The following DLGAP1 variants were observed in gnomAD, a reference collection of about 807,000 sequenced individuals.
DLGAP1 encodes the protein DLG associated protein 1.
Under a neutral mutation model 90.8 loss-of-function variants are expected in DLGAP1, and 11 were observed. The ratio of observed to expected loss-of-function variants is 0.12; its 90% CI spans 0.08 to 0.20. The LOEUF (loss-of-function observed/expected upper bound fraction) is 0.20. DLGAP1 is among the 10% of genes least tolerant of loss of function. The pLI, the probability that DLGAP1 is intolerant of heterozygous loss-of-function variation, is 1.00. For missense variants in DLGAP1, 1,050 were observed against 1,333.8 expected (o/e 0.79, Z 3.31); for synonymous variants, 558 against 540.7 (o/e 1.03, Z -0.44).
chr18:3,992,170 A>G (rs537703005), intron 3 of DLGAP1, among the ~76,000 whole-genome samples: 1 of 152,182 alleles, frequency 6.6e-6, no homozygotes, highest in Non-Finnish European at 1.5e-5. Flanking sequence ...TGGTTTACTC[A>G]TATTGGTCCC....
intron 7 of DLGAP1, among the ~76,000 whole-genome samples, chr18:3,674,045 T>C (rs1207920783): frequency 1.3e-5 from 2 of 152,006 alleles, no homozygotes; most frequent in Non-Finnish European, 2.9e-5. Context: ...TTTCACCATG[T>C]TGGCCAGGCT....
At chr18:3,949,075 T>C (rs769586648) in intron 3 of DLGAP1, among the ~76,000 whole-genome samples, 20 of 152,132 alleles carry the variant, frequency 1.3e-4, no homozygotes, top group Non-Finnish European at 2.2e-4. Context: ...TGAAGAAAAG[T>C]TTAAGAAAAA....
intron 7 of DLGAP1, among the ~76,000 whole-genome samples, chr18:3,681,935 T>A (rs1365593936): frequency 1.3e-5 from 2 of 151,888 alleles, no homozygotes; most frequent in Non-Finnish European, 2.9e-5. Flanking sequence ...CTGGCCAACA[T>A]GGTGAAACCC....
intron 5 of DLGAP1, among the ~76,000 whole-genome samples, chr18:3,793,575 C>T (rs2148250930): frequency 6.6e-6 from 1 of 152,300 alleles, no homozygotes; most frequent in South Asian, 2.1e-4. Context: ...CTGTTAGAGT[C>T]CCATGTCACT....
intron 2 of DLGAP1, among the ~76,000 whole-genome samples, chr18:4,067,053 T>C (rs1044099952): frequency 5.9e-5 from 9 of 152,140 alleles, no homozygotes; most frequent in African/African-American, 2.2e-4. Context: ...GGTGCCATTA[T>C]CCTTAGCAAA....
At chr18:3,929,154 G>A (rs1262229777) in intron 3 of DLGAP1, among the ~76,000 whole-genome samples, 1 of 152,130 alleles carries the variant, frequency 6.6e-6, no homozygotes, top group African/African-American at 2.4e-5. Flanking sequence ...GTCTCAGGTA[G>A]GTCTTTATAT....
At chr18:4,270,115 G>A (rs474267) in intron 1 of DLGAP1, among the ~76,000 whole-genome samples, 11,525 of 152,174 alleles carry the variant, frequency 0.076, 863 homozygotes, top group African/African-American at 0.19. Flanking sequence ...TTAAAGAACC[G>A]GATCTCTCTC....
At chr18:3,518,490 G>T (rs1307307545) in intron 10 of DLGAP1, among the ~76,000 whole-genome samples, 2 of 151,172 alleles carry the variant, frequency 1.3e-5, no homozygotes. Context: ...GGTAGACTTG[G>T]TCAACTCAGG....
At chr18:3,630,544 C>A (rs1226958600) in intron 7 of DLGAP1, among the ~76,000 whole-genome samples, 1 of 152,164 alleles carries the variant, frequency 6.6e-6, no homozygotes, top group Non-Finnish European at 1.5e-5. Flanking sequence ...CTCTGAAGAA[C>A]CCTGGCTAAT....
chr18:3,915,788 T>C (rs2072128823), intron 3 of DLGAP1, among the ~76,000 whole-genome samples: 1 of 152,174 alleles, frequency 6.6e-6, no homozygotes, highest in African/African-American at 2.4e-5. Flanking sequence ...TTTTGAAACC[T>C]TATTTATTTT....
intron 1 of DLGAP1, among the ~76,000 whole-genome samples, chr18:4,172,953 C>G: frequency 6.6e-6 from 1 of 152,176 alleles, no homozygotes; most frequent in Middle Eastern, 3.2e-3. Flanking sequence ...TGTTCTCATC[C>G]AAACTGTTAC....
intron 2 of DLGAP1, among the ~76,000 whole-genome samples, chr18:4,050,355 T>C (rs767805106): frequency 5.9e-5 from 9 of 152,182 alleles, no homozygotes; most frequent in Non-Finnish European, 1.2e-4. Flanking sequence ...TTGTATGGGG[T>C]TTTGAAATAT....
rs548959466 is a variant in DLGAP1 at position 3,979,900 on chromosome 18, C to G, written c.-73+25216G>C. Among the ~76,000 whole-genome samples the G allele has an allele frequency of 1.5e-4, 23 of 152,250 alleles. No individual in the cohort carries two copies. In the East Asian group the frequency reaches 4.4e-3, roughly 29 times the overall value. On this transcript the variant is annotated intron_variant, in intron 3 of 12. Coordinates refer to ENST00000315677, the MANE Select transcript of DLGAP1 (RefSeq NM_004746.4). ...CCTGTAATCCCAGCACTTTGGGAAG[C>G]CGAGGCAGGTGGATCACTTGAGGTC...
chr18:4,366,497 T>C (rs906874305), intron 1 of DLGAP1, among the ~76,000 whole-genome samples: 3 of 152,050 alleles, frequency 2.0e-5, no homozygotes, highest in African/African-American at 4.8e-5. Flanking sequence ...GACACTATCA[T>C]GATCTGTGGC....
Position 3,667,235 on chromosome 18 carries a change from C to G in DLGAP1, c.1591+61900G>C, listed in dbSNP as rs1050405510. On this transcript the variant is annotated intron_variant, in intron 7 of 12. Transcript: ENST00000315677. ...TGAGATTACAGACATGCGCCACCAC[C>G]ACCCAGCTTATTTTTGTACTTTTAG... 1.6e-4 allele frequency among the ~76,000 whole-genome samples: 25 copies of G among 152,182 alleles called. 1 individual carries two copies. Among genetic ancestry groups the G allele is most frequent in the Middle Eastern group, 6.8e-3 (2 of 294 alleles).
intron 6 of DLGAP1, among the ~76,000 whole-genome samples, chr18:3,735,760 T>C (rs1028327507): frequency 1.3e-5 from 2 of 152,174 alleles, no homozygotes; most frequent in African/African-American, 4.8e-5. Context: ...TAACTAATTA[T>C]TCCATTGTTA....
chr18:4,045,494 G>A (rs2075039727), intron 2 of DLGAP1, among the ~76,000 whole-genome samples: 1 of 141,446 alleles, frequency 7.1e-6, no homozygotes, highest in East Asian at 2.1e-4. Context: ...AGTTACTTGG[G>A]AGGGTGAGGC....
At chr18:3,608,142 G>C (rs1024119125) in intron 7 of DLGAP1, 1 of 152,188 alleles carries the variant, frequency 6.6e-6, no homozygotes, top group African/African-American at 2.4e-5. Context: ...GACCAACATG[G>C]AGAAGCCCTG....
intron 5 of DLGAP1, among the ~76,000 whole-genome samples, chr18:3,753,882 G>T (rs1568073907): frequency 6.6e-6 from 1 of 152,190 alleles, no homozygotes; most frequent in Non-Finnish European, 1.5e-5. Context: ...GTTGTCCTTG[G>T]GAATCTGTGG....
Sources: allele counts gnomAD v4.1 joint callset (sites outside exome capture counted in the v4.1 genomes callset), GRCh38; gene constraint gnomAD v4.1.1; transcripts MANE v1.5; gene names NCBI Gene and HGNC (gene_info 2026-07-23, HGNC 2026-07-21).